SLC17A9: variants seen among roughly 807,000 people sequenced by gnomAD.
SLC17A9 encodes the protein solute carrier family 17 member 9, also known as voltage-gated purine nucleotide uniporter SLC17A9.
A neutral mutation model predicts 55.0 loss-of-function variants in SLC17A9; 49 were observed. That is an observed-to-expected ratio of 0.89 (90% CI 0.71 to 1.13). The LOEUF is 1.13. Ranked by LOEUF, SLC17A9 falls within the 50% of genes most tolerant of loss-of-function variation. The pLI is 0.00. For synonymous variants in SLC17A9, 256 were observed against 247.4 expected, an observed-to-expected ratio of 1.03 and a Z score of -0.32; for missense variants, 526 against 569.3, an observed-to-expected ratio of 0.92 and a Z score of 0.77.
chr20:62,960,247 C>T lies in SLC17A9; in HGVS notation c.398-257C>T, dbSNP rs772954126. Among the ~76,000 whole-genome samples the T allele has an allele frequency of 1.5e-3, 222 of 152,264 alleles. 1 individual carries two copies. The highest frequency in any genetic ancestry group is 2.3e-3 in the Admixed American group (35 of 15,304). ...GTGCACATGTGCATGTGCGTGTTCGCGGGGTGGGAGGGCTAGCTTGGAAGC... is the reference window on the plus strand; with the variant it reads ...GTGCACATGTGCATGTGCGTGTTCGTGGGGTGGGAGGGCTAGCTTGGAAGC... On this transcript the variant is annotated intron_variant, in intron 3 of 12. Coordinates refer to ENST00000370351, the MANE Select transcript of SLC17A9 (RefSeq NM_022082.4).
At chr20:62,964,577 A>T (rs1271089570) in intron 8 of SLC17A9, among the ~76,000 whole-genome samples, 2 of 152,194 alleles carry the variant, frequency 1.3e-5, no homozygotes, top group Admixed American at 6.5e-5. Flanking sequence ...TGGAGGGGTC[A>T]GAGGTTACAA....
rs999707334 is a variant in SLC17A9, at chr20:62,967,597, A to G, written c.*97A>G. The G allele has an allele frequency of 7.3e-6, 9 of 1,235,798 alleles. No homozygotes were observed. Among genetic ancestry groups the G allele is most frequent in the Admixed American group, 2.5e-5 (1 of 39,572 alleles). 76.6% of individuals were successfully genotyped at this position (1,235,798 alleles called of 1,614,324 possible). A position where few individuals can be genotyped will look rare whatever the true frequency, so the allele number is the denominator to read the frequency against. On this transcript the variant is annotated 3_prime_UTR_variant, in exon 13 of 13. Coordinates refer to ENST00000370351, the MANE Select transcript of SLC17A9 (RefSeq NM_022082.4). ...GACTTGGTCACTCCATGTCAGACACACGAGCAGAGAGGAACACAAACCACT... is the reference window on the plus strand; with the variant it reads ...GACTTGGTCACTCCATGTCAGACACGCGAGCAGAGAGGAACACAAACCACT...
Position 62,964,226 on chromosome 20 carries a change from A to G in SLC17A9, c.823-2A>G, listed in dbSNP as rs1601097034. 2 of 1,614,128 alleles carry G rather than the reference A, an allele frequency of 1.2e-6. 1 individual carries two copies. The highest frequency in any genetic ancestry group is 2.2e-5 in the South Asian group (2 of 91,080). On this transcript the variant is annotated splice_acceptor_variant, in intron 7 of 12. Transcript: ENST00000370351. LOFTEE classifies it high-confidence loss of function. Reference sequence around the variant, plus strand: ...CCTCTAAGGCCAAACTCCCCCCTGCAGGGCTGGATCTTCAACGTGGTTCCT... The same window carrying G: ...CCTCTAAGGCCAAACTCCCCCCTGCGGGGCTGGATCTTCAACGTGGTTCCT...
chr20:62,964,155 C>T (rs1417025783), intron 7 of SLC17A9, 73 bp from the exon 8 acceptor site: 3 of 1,503,730 alleles, frequency 2.0e-6, no homozygotes, highest in Non-Finnish European at 2.8e-6. Context: ...GGGCGCTGTC[C>T]AGCCTGAGTA....
In SLC17A9 at chr20:62,962,601, C is replaced by G. The variant is rs759775733; in HGVS notation, c.498-23C>G. On this transcript the variant is annotated intron_variant, in intron 4 of 12. Coordinates refer to ENST00000370351, the MANE Select transcript of SLC17A9 (RefSeq NM_022082.4). The surrounding 1 kb of genome is among the most constrained non-coding windows in gnomAD (Gnocchi z 5.5). ...CGAGGGGTGCCGCTGAGGGGCCTGG[C>G]CACACTCCCCCTGTCTTTGCAGGAC... 13 of 1,611,984 alleles carry G rather than the reference C, an allele frequency of 8.1e-6. No individual in the cohort carries two copies. Among genetic ancestry groups the G allele is most frequent in the African/African-American group, 1.3e-5 (1 of 74,880 alleles).
chr20:62,962,846 G>T lies in SLC17A9; in HGVS notation c.628+92G>T, dbSNP rs925836647. On this transcript the variant is annotated intron_variant, in intron 5 of 12. Transcript: ENST00000370351. The surrounding 1 kb of genome is among the most constrained non-coding windows in gnomAD (Gnocchi z 5.5). ...AGCCGCTGAGCAGCCTGGAGCAGGAGCCCGGAGACGATGGCTTTGACCTCC... is the reference window on the plus strand; with the variant it reads ...AGCCGCTGAGCAGCCTGGAGCAGGATCCCGGAGACGATGGCTTTGACCTCC... 46 of 1,532,276 alleles carry T rather than the reference G, an allele frequency of 3.0e-5. No individual in the cohort carries two copies. Among genetic ancestry groups the T allele is most frequent in the Non-Finnish European group, 4.0e-5 (46 of 1,135,916 alleles). The allele number at this position is 1,532,276 out of a possible 1,614,324, so 94.9% of individuals were successfully genotyped here.
Position 62,954,645 on chromosome 20 carries a change from C to G in SLC17A9, c.59+1756C>G, listed in dbSNP as rs928446472. Among the ~76,000 whole-genome samples the G allele has an allele frequency of 5.3e-5, 8 of 152,226 alleles. No homozygotes were observed. In the South Asian group the frequency reaches 1.0e-3, roughly 20 times the overall value. On this transcript the variant is annotated intron_variant, in intron 1 of 12. Coordinates refer to ENST00000370351, the MANE Select transcript of SLC17A9 (RefSeq NM_022082.4). ...AGTCAGGCCTCAGGTAGCCGACTGTCTGGGCCATCCTCTCCAGCCTGACAT... is the reference window on the plus strand; with the variant it reads ...AGTCAGGCCTCAGGTAGCCGACTGTGTGGGCCATCCTCTCCAGCCTGACAT...
At position 62,966,772 on chromosome 20, in the gene SLC17A9, G is replaced by A. The variant is rs200467016; in HGVS notation, c.1147+40G>A. The A allele has an allele frequency of 4.3e-5, 69 of 1,593,612 alleles. 2 individuals carry two copies. The East Asian group carries it at 1.4e-3, about 33-fold the overall frequency. On this transcript the variant is annotated intron_variant, in intron 12 of 12. Coordinates refer to ENST00000370351, the MANE Select transcript of SLC17A9 (RefSeq NM_022082.4). ...TCTGTGCCCAGGAGTTCCCCTGTCT[G>A]TGGGGTTTGAGGCCACCGAGGTGCT...
intron 5 of SLC17A9, 123 bp from the exon 6 acceptor site, chr20:62,963,150 C>T: frequency 5.1e-6 from 5 of 989,490 alleles, no homozygotes; most frequent in Non-Finnish European, 7.6e-6. Flanking sequence ...CGCCCATGTG[C>T]AACCTGAGGC....
At chr20:62,956,356 G>T (rs575549602) in intron 1 of SLC17A9, among the ~76,000 whole-genome samples, 1 of 152,262 alleles carries the variant, frequency 6.6e-6, no homozygotes, top group African/African-American at 2.4e-5. Context: ...CCAGCTCCCC[G>T]CAGGGGCAGA....
chr20:62,953,335 C>T (rs1254152017), intron 1 of SLC17A9: 4 of 1,515,270 alleles, frequency 2.6e-6, no homozygotes, highest in Non-Finnish European at 3.6e-6. Context: ...CCACCACGTG[C>T]CAGCTGTGTG....
At chr20:62,956,485 C>A (rs1398925400) in intron 1 of SLC17A9, among the ~76,000 whole-genome samples, 1 of 152,210 alleles carries the variant, frequency 6.6e-6, no homozygotes, top group Non-Finnish European at 1.5e-5. Flanking sequence ...CCGGCCCAGG[C>A]ACCTTTTGTG....
rs755485071 is a variant in SLC17A9 at position 62,960,568 on chromosome 20, C to T, written c.462C>T (p.Phe154=). 2 of 1,613,470 alleles carry T rather than the reference C, an allele frequency of 1.2e-6. No homozygotes were observed. The highest frequency in any genetic ancestry group is 8.5e-7 in the Non-Finnish European group (1 of 1,180,000). Residue 154 remains phenylalanine (F), a synonymous_variant, in exon 4 of 13, where the codon TTC becomes TTT. Coordinates refer to ENST00000370351, the MANE Select transcript of SLC17A9 (RefSeq NM_022082.4). ...AGGTGCGGGAGAGTGAGCGAGCCTT[C>T]ACCTACAGCATCGTGGGCGCCGGCT... ...SQKVRESERA[F]TYSIVGAGSQ... is the part of the protein sequence containing the mutation.
rs575785128 is a variant in SLC17A9 at position 62,966,725 on chromosome 20, C to T, written c.1140C>T (p.Ala380=). The change falls in exon 12 of 13, where the codon GCC becomes GCT. Residue 380 remains alanine (A), a synonymous_variant. Coordinates refer to ENST00000370351, the MANE Select transcript of SLC17A9 (RefSeq NM_022082.4). The part of the protein sequence containing the change: ...FLFGVANTAG[A]LAGVVGVCLG... Reference sequence around the variant, plus strand: ...CAGGTGTGGCCAACACAGCCGGGGCCTTGGCAGGTGAGGGGCGGGCCTCTG... The same window carrying T: ...CAGGTGTGGCCAACACAGCCGGGGCTTTGGCAGGTGAGGGGCGGGCCTCTG... 2.9e-5 allele frequency: 46 copies of T among 1,611,512 alleles called. No homozygotes were observed. In the South Asian group the frequency reaches 5.0e-4, roughly 17 times the overall value.
chr20:62,967,554 AG>A lies in SLC17A9; in HGVS notation c.*58del. 1 of 1,558,654 alleles carries A rather than the reference AG, an allele frequency of 6.4e-7. No homozygotes were observed. The highest frequency in any genetic ancestry group is 1.4e-5 in the African/African-American group (1 of 73,380). On this transcript the variant is annotated 3_prime_UTR_variant, in exon 13 of 13. Coordinates refer to ENST00000370351, the MANE Select transcript of SLC17A9 (RefSeq NM_022082.4). ...CCAGGCGCCAGCAGCCCCAGGACAC[AG>A]GGGACTCAGTGTGTGGGACTTGGTC...
intron 4 of SLC17A9, among the ~76,000 whole-genome samples, chr20:62,961,066 C>T (rs1414040215): frequency 4.0e-5 from 4 of 100,772 alleles, no homozygotes; most frequent in Admixed American, 1.9e-4. Context: ...GCGGCTTGTC[C>T]TCACGGTGGG....
intron 1 of SLC17A9, chr20:62,953,121 G>A (rs1203523916): frequency 6.8e-7 from 1 of 1,476,034 alleles, no homozygotes. Flanking sequence ...CCCTATCCCA[G>A]CCAGTGTTCC....
rs186288201 is a variant in SLC17A9, at chr20:62,962,453, T to G, written c.498-171T>G. 3.8e-4 allele frequency: 283 copies of G among 750,470 alleles called. No individual in the cohort carries two copies. The highest frequency in any genetic ancestry group is 1.7e-3 in the Middle Eastern group (4 of 2,350). The allele number at this position is 750,470 out of a possible 1,614,324, so 46.5% of individuals were successfully genotyped here. ...CGGAGTCTCCCCTGAGTACCCGAAG[T>G]CCTTAACAAAACAGGCCAGGACGGT... On this transcript the variant is annotated intron_variant, in intron 4 of 12. Transcript: ENST00000370351. The surrounding 1 kb of genome is among the most constrained non-coding windows in gnomAD (Gnocchi z 5.5).
chr20:62,965,064 T>A, intron 8 of SLC17A9, 68 bp from the exon 9 acceptor site: 1 of 1,588,280 alleles, frequency 6.3e-7, no homozygotes, highest in South Asian at 1.1e-5. Context: ...CCATTCGGGA[T>A]GGGACCCCCT....
Sources: allele counts gnomAD v4.1 joint callset (sites outside exome capture counted in the v4.1 genomes callset), GRCh38; gene constraint gnomAD v4.1.1; non-coding constraint Gnocchi (gnomAD v3.1); transcripts MANE v1.5; gene names NCBI Gene and HGNC (gene_info 2026-07-23, HGNC 2026-07-21).